The following PLEKHH2 variants were observed in gnomAD, a reference collection of about 807,000 sequenced individuals.
PLEKHH2 encodes pleckstrin homology domain-containing family H member 2.
PLEKHH2 carries 129 observed loss-of-function variants against 187.9 expected under a neutral mutation model. That is an observed-to-expected ratio of 0.69 (90% confidence interval 0.59 to 0.79). The LOEUF (loss-of-function observed/expected upper bound fraction) is 0.79. Among genes scored for constraint, PLEKHH2 ranks in the 30% least tolerant of loss-of-function variants. The pLI is 0.00. For missense variants in PLEKHH2, 2,076 were observed against 1,751.2 expected (o/e 1.19, Z -3.31); for synonymous variants, 686 against 605.6 (o/e 1.13, Z -1.95).
intron 2 of PLEKHH2, among the ~76,000 whole-genome samples, chr2:43,651,235 A>G (rs1553328076): frequency 6.6e-6 from 1 of 150,442 alleles, no homozygotes; most frequent in Non-Finnish European, 1.5e-5. Context: ...TGCCTCAACC[A>G]TTGTTGTATT....
Position 43,699,730 on chromosome 2 carries a change from G to A in PLEKHH2, c.772G>A (p.Gly258Ser). ...GQRTLHQTPC[G>S]SEQNRKTRTS... ...GAGAACATTGCATCAAACCCCTTGT[G>A]GCTCAGAACAGAATCGGAAAACAAG... The change falls in exon 8 of 30, where the codon GGC (glycine) becomes AGC (serine). Residue 258 changes from glycine (G) to serine (S), a missense_variant. Transcript: ENST00000282406. 6.2e-7 allele frequency: 1 copy of A among 1,614,208 alleles called. No homozygotes were observed.
At chr2:43,688,887 C>G (rs1012917903) in intron 3 of PLEKHH2, among the ~76,000 whole-genome samples, 1 of 152,094 alleles carries the variant, frequency 6.6e-6, no homozygotes, top group Admixed American at 6.5e-5. Flanking sequence ...GCCTTGGTGT[C>G]CAGGATTTTT....
At chr2:43,694,229 G>C (rs1000071828) in intron 4 of PLEKHH2, among the ~76,000 whole-genome samples, 1 of 152,186 alleles carries the variant, frequency 6.6e-6, no homozygotes, top group Admixed American at 6.5e-5. Flanking sequence ...GTTAAAACTA[G>C]TAATACATGC....
rs768457387 is a variant in PLEKHH2 at position 43,697,324 on chromosome 2, A to G, written c.656A>G (p.Glu219Gly). 43 of 1,613,002 alleles carry G rather than the reference A, an allele frequency of 2.7e-5. No individual in the cohort carries two copies. The highest frequency in any genetic ancestry group is 3.5e-5 in the Non-Finnish European group (41 of 1,179,604). The change falls in exon 7 of 30, where the codon GAA becomes GGA. Residue 219 changes from glutamate (E) to glycine (G), a missense_variant. Transcript: ENST00000282406. ...SEEMSKISSK[E>G]PEFTEGKDME... Reference sequence around the variant, plus strand: ...GAAATGAGCAAGATATCATCGAAAGAACCTGAGTTCACTGAAGGAAAAGAC... The same window carrying G: ...GAAATGAGCAAGATATCATCGAAAGGACCTGAGTTCACTGAAGGAAAAGAC...
At chr2:43,743,260 T>C (rs1321047517) in intron 22 of PLEKHH2, among the ~76,000 whole-genome samples, 1 of 152,184 alleles carries the variant, frequency 6.6e-6, no homozygotes, top group Non-Finnish European at 1.5e-5. Flanking sequence ...AATTTTAGTC[T>C]CTTTTAAAAT....
In PLEKHH2 at chr2:43,710,037, C is replaced by T. The variant is rs749364598; in HGVS notation, c.2014C>T (p.Pro672Ser). 34 of 1,613,204 alleles carry T rather than the reference C, an allele frequency of 2.1e-5. No individual in the cohort carries two copies. The highest frequency in any genetic ancestry group is 2.9e-5 in the Non-Finnish European group (34 of 1,179,326). Residue 672 changes from proline to serine, a missense_variant, in exon 12 of 30, where the codon CCT (proline) becomes TCT (serine). Physicochemically the swap from Pro to Ser is moderately conservative, Grantham distance 74. Transcript: ENST00000282406. ...TTCTGAAAGTGATTATGCTATTCCT[C>T]CTGATGCTTACTCCACAGACACGGA... ...VASESDYAIP[P>S]DAYSTDTEYS...
chr2:43,678,189 GAT>G (rs1667959187), intron 2 of PLEKHH2, among the ~76,000 whole-genome samples: 1 of 151,598 alleles, frequency 6.6e-6, no homozygotes, highest in Non-Finnish European at 1.5e-5. Context: ...TCCTAGATGG[GAT>G]GGCGGCCGGG....
intron 14 of PLEKHH2, chr2:43,711,321 A>C: frequency 1.0e-6 from 1 of 985,448 alleles, no homozygotes; most frequent in African/African-American, 1.7e-5. Flanking sequence ...TAGAAAGGAG[A>C]ATCAAGGAAA....
chr2:43,764,111 G>T, intron 28 of PLEKHH2, 117 bp from the exon 29 acceptor site: 1 of 572,146 alleles, frequency 1.7e-6, no homozygotes, highest in Non-Finnish European at 2.7e-6. Context: ...AAATAATTTT[G>T]TATTATACCA....
intron 15 of PLEKHH2, among the ~76,000 whole-genome samples, chr2:43,714,441 G>A (rs1007195938): frequency 6.6e-6 from 1 of 152,124 alleles, no homozygotes; most frequent in Admixed American, 6.6e-5. Flanking sequence ...AACCTTATGA[G>A]AGAACAGCTT....
chr2:43,700,637 C>T lies in PLEKHH2; in HGVS notation c.1650+29C>T, dbSNP rs200960541. On this transcript the variant is annotated intron_variant, in intron 8 of 29. Coordinates refer to ENST00000282406, the MANE Select transcript of PLEKHH2 (RefSeq NM_172069.4). ...ATTATATCACCGCATGTAACACATA[C>T]GCAGTAGTTTTTTTCTCAACACTTT... 5.7e-5 allele frequency: 90 copies of T among 1,566,180 alleles called. No homozygotes were observed. In the African/African-American group the frequency reaches 1.0e-3, roughly 17 times the overall value.
chr2:43,712,180 A>T, intron 14 of PLEKHH2, 45 bp from the exon 15 acceptor site: 1 of 1,580,742 alleles, frequency 6.3e-7, no homozygotes, highest in Non-Finnish European at 8.7e-7. Context: ...AACAATCCTA[A>T]ATCTTCACAG....
intron 3 of PLEKHH2, among the ~76,000 whole-genome samples, chr2:43,686,178 C>CTCT (rs922994702): frequency 6.0e-5 from 9 of 149,868 alleles, no homozygotes; most frequent in Admixed American, 2.7e-4. Flanking sequence ...CTTCCTCTTC[C>CTCT]TCTTCTTCTT....
At chr2:43,679,995 A>G (rs1008324698) in intron 3 of PLEKHH2, among the ~76,000 whole-genome samples, 5 of 126,626 alleles carry the variant, frequency 3.9e-5, no homozygotes, top group African/African-American at 1.6e-4. Context: ...AGATGTTTTC[A>G]TAAGTCACAT....
At chr2:43,641,250 C>T (rs986267450) in intron 1 of PLEKHH2, among the ~76,000 whole-genome samples, 1 of 152,070 alleles carries the variant, frequency 6.6e-6, no homozygotes, top group East Asian at 1.9e-4. Flanking sequence ...CTTTGAAGGA[C>T]AAAAATTTAA....
intron 2 of PLEKHH2, chr2:43,675,307 G>T: frequency 1.9e-6 from 2 of 1,037,470 alleles, no homozygotes; most frequent in Non-Finnish European, 2.8e-6. Context: ...CACTTACACT[G>T]TATCAGAATT....
In PLEKHH2 at chr2:43,695,237, T is replaced by G; in HGVS notation, c.502+13T>G. Reference sequence around the variant, plus strand: ...TCAAAACTACAAGGTACAAATACTTTACTAAGATAGCTTAGTTGGATTTAT... The same window carrying G: ...TCAAAACTACAAGGTACAAATACTTGACTAAGATAGCTTAGTTGGATTTAT... On this transcript the variant is annotated intron_variant, in intron 6 of 29. Coordinates refer to ENST00000282406, the MANE Select transcript of PLEKHH2 (RefSeq NM_172069.4). The G allele has an allele frequency of 6.7e-7, 1 of 1,492,184 alleles. No homozygotes were observed. The allele number at this position is 1,492,184 out of a possible 1,614,324, so 92.4% of individuals were successfully genotyped here.
chr2:43,759,727 T>C (rs1383699287), intron 27 of PLEKHH2, among the ~76,000 whole-genome samples: 1 of 152,234 alleles, frequency 6.6e-6, no homozygotes, highest in Non-Finnish European at 1.5e-5. Flanking sequence ...TCCTTGAAAC[T>C]ATAAACTCAC....
rs1008440189 is a variant in PLEKHH2, at chr2:43,767,485, G to A, written c.*1887G>A. On this transcript the variant is annotated 3_prime_UTR_variant, in exon 30 of 30. Coordinates refer to ENST00000282406, the MANE Select transcript of PLEKHH2 (RefSeq NM_172069.4). ...ATCTTTTGAGCCACAGTCGCCCATC[G>A]AATAAGCAAATTTGTTTTTGAGAAT... is the stretch of plus-strand genomic sequence containing the variant. The A allele has an allele frequency of 6.6e-6, 1 of 152,254 alleles. No homozygotes were observed. Among genetic ancestry groups the A allele is most frequent in the African/African-American group, 2.4e-5 (1 of 41,416 alleles). The allele number at this position is 152,254 out of a possible 1,614,324, so 9.4% of individuals were successfully genotyped here.
Sources: allele counts gnomAD v4.1 joint callset (sites outside exome capture counted in the v4.1 genomes callset), GRCh38; gene constraint gnomAD v4.1.1; transcripts MANE v1.5; gene names NCBI Gene and HGNC (gene_info 2026-07-23, HGNC 2026-07-21).